Variants in PPFIA2 observed in about 807,000 individuals in gnomAD.
PPFIA2 encodes the protein liprin-alpha-2.
Under a neutral mutation model 175.5 loss-of-function variants are expected in PPFIA2, and 46 were observed. The observed-to-expected ratio is 0.26, with a 90% CI of 0.21 to 0.34. The LOEUF (loss-of-function observed/expected upper bound fraction) is 0.34, where lower values mean the gene tolerates loss of function less well. Among genes scored for constraint, PPFIA2 ranks in the 10% least tolerant of loss-of-function variants. The pLI, the probability that PPFIA2 is intolerant of heterozygous loss-of-function variation, is 1.00. For synonymous variants in PPFIA2, 568 were observed against 511.4 expected (o/e 1.11, Z -1.49); for missense variants, 1,179 against 1,506.1 (o/e 0.78, Z 3.60).
At chr12:81,621,990 C>T (rs2062095983) in intron 4 of PPFIA2, among the ~76,000 whole-genome samples, 1 of 152,042 alleles carries the variant, frequency 6.6e-6, no homozygotes, top group South Asian at 2.1e-4. Context: ...CCTGTAACAT[C>T]CCAATATGAA....
chr12:81,294,654 A>C, intron 24 of PPFIA2, 181 bp downstream of exon 24: 1 of 630,488 alleles, frequency 1.6e-6, no homozygotes, highest in East Asian at 2.8e-5. Context: ...GATATGAATC[A>C]TAGTTCCTCA....
chr12:81,336,005 AC>A (rs2140181404), intron 21 of PPFIA2, among the ~76,000 whole-genome samples: 1 of 152,290 alleles, frequency 6.6e-6, no homozygotes, highest in African/African-American at 2.4e-5. Flanking sequence ...ATTTGAGTCT[AC>A]ATCACTCCTA....
intron 28 of PPFIA2, among the ~76,000 whole-genome samples, chr12:81,271,875 T>A (rs1388162834): frequency 1.3e-5 from 2 of 152,160 alleles, no homozygotes; most frequent in Non-Finnish European, 2.9e-5. Context: ...TTATGATCAT[T>A]TCCATCTGCC....
intron 4 of PPFIA2, among the ~76,000 whole-genome samples, chr12:81,641,424 G>C (rs943293546): frequency 2.0e-4 from 30 of 152,032 alleles, no homozygotes; most frequent in African/African-American, 9.7e-5. Flanking sequence ...CATTGCCAAG[G>C]TACGCACACC....
chr12:81,459,942 T>C (rs1751851888), intron 4 of PPFIA2, among the ~76,000 whole-genome samples: 1 of 152,130 alleles, frequency 6.6e-6, no homozygotes. Flanking sequence ...TCACAAGCCA[T>C]AGGGAGTGAG....
chr12:81,314,023 G>A (rs11114820), intron 22 of PPFIA2, among the ~76,000 whole-genome samples: 53,784 of 151,554 alleles, frequency 0.35, 10,354 homozygotes, highest in East Asian at 0.51. Context: ...TTATCAATTC[G>A]TATAAATTAT....
chr12:81,631,154 C>T (rs1038376893), intron 4 of PPFIA2, among the ~76,000 whole-genome samples: 1 of 152,056 alleles, frequency 6.6e-6, no homozygotes, highest in Non-Finnish European at 1.5e-5. Context: ...CCTCAGTTTC[C>T]CAAAGTGCTG....
At chr12:81,485,532 C>T (rs189021949) in intron 4 of PPFIA2, among the ~76,000 whole-genome samples, 45 of 151,840 alleles carry the variant, frequency 3.0e-4, no homozygotes, top group African/African-American at 1.1e-3. Context: ...ATCTGTCACC[C>T]CTTTTGTGAA....
At chr12:81,677,888 C>T (rs1237172821) in intron 3 of PPFIA2, among the ~76,000 whole-genome samples, 1 of 151,816 alleles carries the variant, frequency 6.6e-6, no homozygotes, top group Non-Finnish European at 1.5e-5. Flanking sequence ...AGTTCTAAGG[C>T]TTTGGTTCCA....
intron 8 of PPFIA2, among the ~76,000 whole-genome samples, chr12:81,398,632 G>T (rs1246795426): frequency 6.6e-6 from 1 of 152,010 alleles, no homozygotes; most frequent in African/African-American, 2.4e-5. Context: ...CTTTATGCTG[G>T]TTACTTATCT....
At chr12:81,520,465 A>C (rs1290222312) in intron 4 of PPFIA2, among the ~76,000 whole-genome samples, 1 of 152,204 alleles carries the variant, frequency 6.6e-6, no homozygotes, top group Non-Finnish European at 1.5e-5. Flanking sequence ...CTGAAAGTGA[A>C]ACTATGAATA....
At chr12:81,400,468 A>C (rs1002019414) in intron 8 of PPFIA2, among the ~76,000 whole-genome samples, 6 of 152,184 alleles carry the variant, frequency 3.9e-5, no homozygotes, top group Non-Finnish European at 7.3e-5. Context: ...TATTTATTAA[A>C]TTTACCGATC....
At chr12:81,598,229 C>T in intron 4 of PPFIA2, 6 of 1,355,258 alleles carry the variant, frequency 4.4e-6, no homozygotes, top group Non-Finnish European at 5.7e-6. Context: ...GATCATCAGC[C>T]ACCGACCTTT....
chr12:81,445,595 C>A lies in PPFIA2; in HGVS notation c.531G>T (p.Leu177=), dbSNP rs1418136285. The change falls in exon 6 of 33, where the codon CTG becomes CTT. Residue 177 remains leucine (L), a synonymous_variant. Coordinates refer to ENST00000549396, the MANE Select transcript of PPFIA2 (RefSeq NM_003625.5). The part of the protein sequence containing the change: ...VSSEVEVLKA[L]KSLFEHHKAL... ...CCTTGTGGTGCTCAAACAAAGATTT[C>A]AGTGCCTTGAGAACTTCAACTTCAC... 1 of 1,613,692 alleles carries A rather than the reference C, an allele frequency of 6.2e-7. No individual in the cohort carries two copies. Among genetic ancestry groups the A allele is most frequent in the Admixed American group, 1.7e-5 (1 of 59,972 alleles).
At chr12:81,474,662 T>C (rs1451639340) in intron 4 of PPFIA2, among the ~76,000 whole-genome samples, 6 of 152,236 alleles carry the variant, frequency 3.9e-5, no homozygotes, top group Non-Finnish European at 7.3e-5. Context: ...ACCAGTATCA[T>C]TTTGTTATAA....
intron 4 of PPFIA2, chr12:81,506,240 T>A (rs1017154315): frequency 1.3e-5 from 2 of 152,230 alleles, no homozygotes; most frequent in African/African-American, 4.8e-5. Context: ...CTTATGCCTA[T>A]CATTCCATTA....
At chr12:81,681,126 G>A (rs960290009) in intron 3 of PPFIA2, among the ~76,000 whole-genome samples, 6 of 151,872 alleles carry the variant, frequency 4.0e-5, no homozygotes, top group Non-Finnish European at 8.8e-5. Flanking sequence ...AAGCACCTAC[G>A]CCATGTGGTT....
intron 4 of PPFIA2, among the ~76,000 whole-genome samples, chr12:81,475,347 T>A (rs1223188163): frequency 6.6e-6 from 1 of 152,212 alleles, no homozygotes; most frequent in Admixed American, 6.5e-5. Flanking sequence ...ACAAAAAATT[T>A]GTTCCTGATA....
intron 2 of PPFIA2, 99 bp from the exon 3 acceptor site, chr12:81,754,322 T>C (rs1597245122): frequency 7.2e-7 from 1 of 1,384,862 alleles, no homozygotes. Flanking sequence ...CTTATTAGCC[T>C]ATTTGTCTCT....
Sources: gnomAD v4.1 joint callset for allele counts (sites outside exome capture counted in the v4.1 genomes callset) on GRCh38, gnomAD v4.1.1 for gene constraint, MANE v1.5 for transcripts, NCBI Gene and HGNC (gene_info 2026-07-23, HGNC 2026-07-21) for gene names.